Variants in STC1 observed in about 807,000 individuals in gnomAD.
STC1 encodes stanniocalcin 1.
In STC1, 7 loss-of-function variants were observed where a neutral mutation model predicts 22.6. The observed-to-expected ratio is 0.31, with a 90% CI of 0.18 to 0.58. STC1 has a LOEUF of 0.58. Ranked by LOEUF, STC1 falls within the 20% of genes least tolerant of loss-of-function variation. The probability of loss-of-function intolerance (pLI) is 0.89; values close to 1 mark genes in which losing one functional copy is unlikely to be tolerated. For missense variants in STC1, 224 were observed against 311.0 expected (o/e 0.72, Z 2.10); for synonymous variants, 113 against 120.7 (o/e 0.94, Z 0.42).
intron 1 of STC1, 129 bp downstream of exon 1, chr8:23,854,277 C>T (rs1802672092): frequency 5.2e-6 from 5 of 968,244 alleles, no homozygotes; most frequent in Non-Finnish European, 6.2e-6. Context: ...ATTACACTGG[C>T]AGTTTATTGC....
chr8:23,852,201 A>C (rs770080304), intron 2 of STC1, 41 bp downstream of exon 2: 1 of 1,613,510 alleles, frequency 6.2e-7, no homozygotes, highest in Non-Finnish European at 8.5e-7. Context: ...ACACTGTTAA[A>C]GACAAGCAGC....
chr8:23,854,413 TTGAGCCGCCACTCGGGATTTCC>T lies in STC1; in HGVS notation c.89_110del (p.Arg30LysfsTer60). The T allele has an allele frequency of 6.2e-7, 1 of 1,614,100 alleles. No homozygotes were observed. On this transcript the variant is annotated frameshift_variant, in exon 1 of 4. Transcript: ENST00000290271. LOFTEE classifies it high-confidence loss of function. ...CTTGGGTTTGCTGCTTACCTGAGTT[TTGAGCCGCCACTCGGGATTTCC>T]TGGGGCTCACAGAGTCATTCTGCTC... is the stretch of plus-strand genomic sequence containing the variant.
intron 3 of STC1, among the ~76,000 whole-genome samples, chr8:23,847,766 AGTGAGCACCTTCTT>A (rs1289954064): frequency 1.3e-5 from 2 of 152,236 alleles, no homozygotes; most frequent in Non-Finnish European, 2.9e-5. Context: ...TCACCTATTT[AGTGAGCACCTTCTT>A]GTGCTATGGT....
intron 1 of STC1, 56 bp downstream of exon 1, chr8:23,854,350 G>A: frequency 1.4e-6 from 2 of 1,460,086 alleles, no homozygotes; most frequent in Non-Finnish European, 1.9e-6. Flanking sequence ...GCAAAAGGGA[G>A]AGGCAAATGA....
At chr8:23,845,106 A>G in intron 3 of STC1, 66 bp from the exon 4 acceptor site, 1 of 1,556,152 alleles carries the variant, frequency 6.4e-7, no homozygotes, top group Non-Finnish European at 8.8e-7. Flanking sequence ...CCAGGCTTTC[A>G]CCCGGGCTCT....
At position 23,850,960 on chromosome 8, in the gene STC1, C is replaced by T. The variant is rs115763908; in HGVS notation, c.473+360G>A. ...AATCATGGCCAATTGTGTTGTTGCA[C>T]GGTCATGGTTTCAGCCAAATCTGAT... On this transcript the variant is annotated intron_variant, in intron 3 of 3. Coordinates refer to ENST00000290271, the MANE Select transcript of STC1 (RefSeq NM_003155.3). Among the ~76,000 whole-genome samples, 955 of 137,666 alleles carry T rather than the reference C, an allele frequency of 6.9e-3. 7 individuals are homozygous for T. Among genetic ancestry groups the T allele is most frequent in the African/African-American group, 0.025 (878 of 35,796 alleles). 90.3% of individuals were successfully genotyped at this position (137,666 alleles called of 152,430 possible). A position where few individuals can be genotyped will look rare whatever the true frequency, so the allele number is the denominator to read the frequency against.
intron 3 of STC1, among the ~76,000 whole-genome samples, chr8:23,848,229 G>A (rs1563342092): frequency 6.6e-6 from 1 of 152,112 alleles, no homozygotes; most frequent in African/African-American, 2.4e-5. Flanking sequence ...AGTTAGGACT[G>A]CTTAAGAAGA....
rs1228761437 is a variant in STC1, at chr8:23,844,767, T to C, written c.*3A>G. 2 of 1,612,498 alleles carry C rather than the reference T, an allele frequency of 1.2e-6. No individual in the cohort carries two copies. The highest frequency in any genetic ancestry group is 1.7e-6 in the Non-Finnish European group (2 of 1,178,712). The stretch of plus-strand genomic sequence containing the variant: ...GGTGAGGTTGTGAATAACCTCTCCC[T>C]GGTTATGCACTCTCATGGGATGTGC... On this transcript the variant is annotated 3_prime_UTR_variant, in exon 4 of 4. Transcript: ENST00000290271.
At chr8:23,852,086 GCACACACTTGTGCATA>G (rs1279718662) in intron 2 of STC1, among the ~76,000 whole-genome samples, 140 bp downstream of exon 2, 3 of 151,678 alleles carry the variant, frequency 2.0e-5, no homozygotes, top group Admixed American at 6.6e-5. Flanking sequence ...GTGTGTGCAT[GCACACACTTGTGCATA>G]CACATGCTGA....
In STC1 at chr8:23,844,997, C is replaced by T; in HGVS notation, c.517G>A (p.Asp173Asn). 6.2e-7 allele frequency: 1 copy of T among 1,614,120 alleles called. No individual in the cohort carries two copies. Among genetic ancestry groups the T allele is most frequent in the Non-Finnish European group, 8.5e-7 (1 of 1,180,032 alleles). The change falls in exon 4 of 4, where the codon GAC becomes AAC. Residue 173 changes from aspartate to asparagine, a missense_variant. Asp to Asn is a conservative substitution (Grantham distance 23, BLOSUM62 1). Transcript: ENST00000290271. ...LVRSLLECDE[D>N]TVSTIRDSLM... Reference sequence around the variant, plus strand: ...CTGTCTCTGATTGTGCTGACTGTGTCTTCATCACATTCCAGCAGGCTTCGG... The same window carrying T: ...CTGTCTCTGATTGTGCTGACTGTGTTTTCATCACATTCCAGCAGGCTTCGG...
At chr8:23,853,439 G>A (rs553909093) in intron 1 of STC1, among the ~76,000 whole-genome samples, 6 of 152,194 alleles carry the variant, frequency 3.9e-5, no homozygotes, top group Non-Finnish European at 8.8e-5. Flanking sequence ...AGCTCGAATT[G>A]TGAATCACTG....
chr8:23,847,429 A>T (rs1802586067), intron 3 of STC1, among the ~76,000 whole-genome samples: 1 of 152,118 alleles, frequency 6.6e-6, no homozygotes, highest in Admixed American at 6.5e-5. Context: ...AGTGAGAACC[A>T]CCCACCCCCA....
intron 1 of STC1, chr8:23,854,103 C>T (rs915847958): frequency 1.7e-6 from 2 of 1,204,874 alleles, no homozygotes; most frequent in African/African-American, 1.5e-5. Context: ...ACATTCAAGC[C>T]TTTCCTCCCC....
In STC1 at chr8:23,854,701, C is replaced by A; in HGVS notation, c.-178G>T. ...GGTGATGCTGCTGCTGCCACCGGTGCCTCCGCTGCTGCTGCTGCTGCCGCC... is the reference window on the plus strand; with the variant it reads ...GGTGATGCTGCTGCTGCCACCGGTGACTCCGCTGCTGCTGCTGCTGCCGCC... On this transcript the variant is annotated 5_prime_UTR_variant, in exon 1 of 4. Coordinates refer to ENST00000290271, the MANE Select transcript of STC1 (RefSeq NM_003155.3). The A allele has an allele frequency of 1.4e-6, 1 of 708,056 alleles. No homozygotes were observed. The highest frequency in any genetic ancestry group is 2.6e-6 in the Non-Finnish European group (1 of 389,258). 43.9% of individuals were successfully genotyped at this position (708,056 alleles called of 1,614,324 possible). A position where few individuals can be genotyped will look rare whatever the true frequency, so the allele number is the denominator to read the frequency against.
chr8:23,854,539 C>T lies in STC1; in HGVS notation c.-16G>A, dbSNP rs201276929. The T allele has an allele frequency of 7.5e-6, 12 of 1,605,102 alleles. No individual in the cohort carries two copies. Among genetic ancestry groups the T allele is most frequent in the African/African-American group, 1.3e-5 (1 of 74,486 alleles). Reference sequence around the variant, plus strand: ...TTTGGAGCATTCTCTGAGAAGTTTCCGCTAAGTTGTTGGGTTTTTTTTTTT... The same window carrying T: ...TTTGGAGCATTCTCTGAGAAGTTTCTGCTAAGTTGTTGGGTTTTTTTTTTT... On this transcript the variant is annotated 5_prime_UTR_variant, in exon 1 of 4. Coordinates refer to ENST00000290271, the MANE Select transcript of STC1 (RefSeq NM_003155.3).
intron 1 of STC1, among the ~76,000 whole-genome samples, chr8:23,853,817 G>A (rs1230398703): frequency 6.6e-6 from 1 of 152,098 alleles, no homozygotes; most frequent in African/African-American, 2.4e-5. Context: ...ACGACTGAAT[G>A]GAGCCCTACA....
chr8:23,852,772 T>C (rs902966689), intron 1 of STC1, among the ~76,000 whole-genome samples: 3 of 152,106 alleles, frequency 2.0e-5, no homozygotes, highest in Non-Finnish European at 4.4e-5. Context: ...CAGTGGCTAG[T>C]GGTCAGGTTT....
intron 1 of STC1, among the ~76,000 whole-genome samples, chr8:23,852,916 T>C (rs568705123): frequency 3.3e-5 from 5 of 152,176 alleles, no homozygotes; most frequent in Non-Finnish European, 7.3e-5. Flanking sequence ...GATTTCAGGC[T>C]TTTAACTTAC....
Position 23,844,499 on chromosome 8 carries a change from A to T in STC1, c.*271T>A. On this transcript the variant is annotated 3_prime_UTR_variant, in exon 4 of 4. Coordinates refer to ENST00000290271, the MANE Select transcript of STC1 (RefSeq NM_003155.3). ...GGGGGTGGTCTCAGGGGAGCAGGGG[A>T]AAAACATGGCAGAGGAAGTTGGTAA... 1 of 471,806 alleles carries T rather than the reference A, an allele frequency of 2.1e-6. No individual in the cohort carries two copies. Among genetic ancestry groups the T allele is most frequent in the East Asian group, 3.7e-5 (1 of 26,692 alleles). 29.2% of individuals were successfully genotyped at this position (471,806 alleles called of 1,614,324 possible). A position where few individuals can be genotyped will look rare whatever the true frequency, so the allele number is the denominator to read the frequency against.
Sources: allele counts gnomAD v4.1 joint callset (sites outside exome capture counted in the v4.1 genomes callset), GRCh38; gene constraint gnomAD v4.1.1; transcripts MANE v1.5; gene names NCBI Gene and HGNC (gene_info 2026-07-23, HGNC 2026-07-21).